Variants in SFXN5 observed in about 807,000 individuals in gnomAD.
SFXN5 encodes sideroflexin 5, also known as sideroflexin-5.
SFXN5 carries 43 observed loss-of-function variants against 50.2 expected under a neutral mutation model. The observed-to-expected ratio is 0.86, with a 90% confidence interval of 0.67 to 1.11. The LOEUF (loss-of-function observed/expected upper bound fraction) is 1.11. Ranked by LOEUF, SFXN5 falls within the 50% of genes least tolerant of loss-of-function variation. SFXN5 has a pLI of 0.00. For synonymous variants in SFXN5, 203 were observed against 185.8 expected (o/e 1.09, Z -0.75); for missense variants, 463 against 454.1 (o/e 1.02, Z -0.18).
intron 6 of SFXN5, among the ~76,000 whole-genome samples, chr2:73,012,092 A>G (rs1675572992): frequency 6.6e-6 from 1 of 152,234 alleles, no homozygotes; most frequent in African/African-American, 2.4e-5. Context: ...AACCATAGAT[A>G]AATAAGTATA....
At chr2:72,970,586 C>G (rs1052914444) in intron 11 of SFXN5, among the ~76,000 whole-genome samples, 1 of 152,016 alleles carries the variant, frequency 6.6e-6, no homozygotes, top group African/African-American at 2.4e-5. Flanking sequence ...TACCCCATGC[C>G]CAGCACAGAG....
At position 72,961,556 on chromosome 2, in the gene SFXN5, C is replaced by A. The variant is rs1673751092; in HGVS notation, c.828-308G>T. On this transcript the variant is annotated intron_variant, in intron 12 of 13. Transcript: ENST00000272433. The surrounding 1 kb of genome is among the most constrained non-coding windows in gnomAD (Gnocchi z 4.4). ...ACCCGCCACGCGTCCAGCCCCGTGC[C>A]AAGAAGGCCCTATGTGGGAGAGACA... is the stretch of plus-strand genomic sequence containing the variant. Among the ~76,000 whole-genome samples the A allele has an allele frequency of 1.3e-5, 2 of 152,234 alleles. No individual in the cohort carries two copies. The highest frequency in any genetic ancestry group is 4.1e-4 in the South Asian group (2 of 4,838).
intron 9 of SFXN5, chr2:72,998,427 T>G (rs149546151): frequency 2.4e-3 from 375 of 156,634 alleles, no homozygotes; most frequent in Non-Finnish European, 3.9e-3. Flanking sequence ...CAAAGTACTG[T>G]GGAGACTCAG....
chr2:73,047,122 G>T (rs1680436748), intron 2 of SFXN5, among the ~76,000 whole-genome samples: 1 of 146,896 alleles, frequency 6.8e-6, no homozygotes, highest in African/African-American at 2.5e-5. Flanking sequence ...CTACTCAGGA[G>T]GCTGAGGCAG....
At chr2:73,003,635 G>A (rs188716743) in intron 6 of SFXN5, among the ~76,000 whole-genome samples, 1 of 152,308 alleles carries the variant, frequency 6.6e-6, no homozygotes, top group African/African-American at 2.4e-5. Context: ...ACACTGCATG[G>A]ATTCTGTGCC....
At chr2:72,989,670 G>C (rs955372452) in intron 9 of SFXN5, among the ~76,000 whole-genome samples, 12 of 152,118 alleles carry the variant, frequency 7.9e-5, no homozygotes, top group Admixed American at 3.9e-4. Flanking sequence ...GCTGGGAGTG[G>C]GGCTTTGCGG....
At chr2:72,977,312 T>C (rs1670740550) in intron 10 of SFXN5, among the ~76,000 whole-genome samples, 1 of 152,196 alleles carries the variant, frequency 6.6e-6, no homozygotes, top group Non-Finnish European at 1.5e-5. Flanking sequence ...CAGTTTGTGT[T>C]GAGGGTTTCT....
At chr2:72,995,665 G>A (rs367773734) in intron 9 of SFXN5, among the ~76,000 whole-genome samples, 12 of 152,274 alleles carry the variant, frequency 7.9e-5, no homozygotes, top group African/African-American at 2.4e-4. Flanking sequence ...CACTGGGGCC[G>A]TGACACTTGT....
rs1380766878 is a variant in SFXN5, at chr2:72,961,096, T to C, written c.945+35A>G. 2.4e-6 allele frequency: 3 copies of C among 1,275,678 alleles called. No individual in the cohort carries two copies. Among genetic ancestry groups the C allele is most frequent in the Non-Finnish European group, 3.0e-6 (3 of 988,116 alleles). 79.0% of individuals were successfully genotyped at this position (1,275,678 alleles called of 1,614,324 possible). A position where few individuals can be genotyped will look rare whatever the true frequency, so the allele number is the denominator to read the frequency against. The stretch of plus-strand genomic sequence containing the variant: ...TCAGAAATCACCAAACAGCACCCCC[T>C]GCCCTGCCCTGCCCTTGAGCCCCTC... On this transcript the variant is annotated intron_variant, in intron 13 of 13. Coordinates refer to ENST00000272433, the MANE Select transcript of SFXN5 (RefSeq NM_144579.3). The surrounding 1 kb of genome is among the most constrained non-coding windows in gnomAD (Gnocchi z 4.4).
rs965601171 is a variant in SFXN5 at position 72,999,089 on chromosome 2, G to A, written c.469-75C>T. The stretch of plus-strand genomic sequence containing the variant: ...ATACTTCCCCTTGTAAGCTGTCCCA[G>A]CCAGCAAGAAGCATCCTGCCCACCA... On this transcript the variant is annotated intron_variant, in intron 8 of 13. Coordinates refer to ENST00000272433, the MANE Select transcript of SFXN5 (RefSeq NM_144579.3). 8.6e-6 allele frequency: 13 copies of A among 1,510,822 alleles called. No homozygotes were observed. The African/African-American group carries it at 1.6e-4, about 19-fold the overall frequency. 93.6% of individuals were successfully genotyped at this position (1,510,822 alleles called of 1,614,324 possible). A position where few individuals can be genotyped will look rare whatever the true frequency, so the allele number is the denominator to read the frequency against.
rs537662031 is a variant in SFXN5 at position 73,061,263 on chromosome 2, G to A, written c.103-2667C>T. Among the ~76,000 whole-genome samples, 16 of 149,492 alleles carry A rather than the reference G, an allele frequency of 1.1e-4. No homozygotes were observed. In the South Asian group the frequency reaches 2.1e-3, roughly 20 times the overall value. Reference sequence around the variant, plus strand: ...GTGGAGGTTGCAGCGAGCAGAGATCGCGCCACTGCACTGCAGCCTAGGCGA... The same window carrying A: ...GTGGAGGTTGCAGCGAGCAGAGATCACGCCACTGCACTGCAGCCTAGGCGA... On this transcript the variant is annotated intron_variant, in intron 1 of 13. Coordinates refer to ENST00000272433, the MANE Select transcript of SFXN5 (RefSeq NM_144579.3).
chr2:73,007,087 T>G (rs1425683565), intron 6 of SFXN5, among the ~76,000 whole-genome samples: 2 of 152,204 alleles, frequency 1.3e-5, no homozygotes, highest in Non-Finnish European at 2.9e-5. Context: ...TATCTCAGTC[T>G]GCTTGGCCAG....
intron 1 of SFXN5, among the ~76,000 whole-genome samples, chr2:73,063,566 T>C (rs1180297523): frequency 6.6e-6 from 1 of 152,186 alleles, no homozygotes; most frequent in Non-Finnish European, 1.5e-5. Flanking sequence ...AGAAACGTTG[T>C]GACCAGAAAC....
intron 2 of SFXN5, 38 bp downstream of exon 2, chr2:73,058,490 A>T: frequency 6.3e-7 from 1 of 1,591,070 alleles, no homozygotes; most frequent in Non-Finnish European, 8.6e-7. Context: ...ACAAGGTACA[A>T]AGGCCCAAGG....
chr2:73,059,461 G>C (rs1458738818), intron 1 of SFXN5: 3 of 985,358 alleles, frequency 3.0e-6, no homozygotes, highest in Non-Finnish European at 3.6e-6. Flanking sequence ...GGAGGAAACA[G>C]AAGCCTCCAC....
rs1295718699 is a variant in SFXN5 at position 72,943,795 on chromosome 2, A to T, written c.*1227T>A. On this transcript the variant is annotated 3_prime_UTR_variant, in exon 14 of 14. Transcript: ENST00000272433. Reference sequence around the variant, plus strand: ...CCAGTCCAGAGTCCACACTGGGGACATGCCCAGGATGACCAGCATCTGAGC... The same window carrying T: ...CCAGTCCAGAGTCCACACTGGGGACTTGCCCAGGATGACCAGCATCTGAGC... The T allele has an allele frequency of 6.6e-6, 1 of 152,642 alleles. No homozygotes were observed. Among genetic ancestry groups the T allele is most frequent in the Non-Finnish European group, 1.5e-5 (1 of 68,070 alleles). 9.5% of individuals were successfully genotyped at this position (152,642 alleles called of 1,614,324 possible). A position where few individuals can be genotyped will look rare whatever the true frequency, so the allele number is the denominator to read the frequency against.
intron 1 of SFXN5, among the ~76,000 whole-genome samples, chr2:73,060,412 C>T (rs929076167): frequency 1.3e-5 from 2 of 152,056 alleles, no homozygotes; most frequent in Non-Finnish European, 1.5e-5. Flanking sequence ...CCCACACTGA[C>T]AGACATTCCA....
chr2:72,951,474 G>A (rs1327236363), intron 13 of SFXN5, among the ~76,000 whole-genome samples: 2 of 152,166 alleles, frequency 1.3e-5, no homozygotes, highest in Non-Finnish European at 2.9e-5. Context: ...GTGGGTGGGG[G>A]GCTAGAGTCA....
In SFXN5 at chr2:72,944,848, A is replaced by G. The variant is rs1671753734; in HGVS notation, c.*174T>C. ...AAATGTGTTAGAACTCCTCTTGCCT[A>G]TGTTAAAATGTGAATGGGTCAGTCT... On this transcript the variant is annotated 3_prime_UTR_variant, in exon 14 of 14. Coordinates refer to ENST00000272433, the MANE Select transcript of SFXN5 (RefSeq NM_144579.3). The G allele has an allele frequency of 1.2e-5, 7 of 585,404 alleles. No homozygotes were observed. The South Asian group carries it at 1.3e-4, about 11-fold the overall frequency. The allele number at this position is 585,404 out of a possible 1,614,324, so 36.3% of individuals were successfully genotyped here.
Sources: allele counts gnomAD v4.1 joint callset (sites outside exome capture counted in the v4.1 genomes callset), GRCh38; gene constraint gnomAD v4.1.1; non-coding constraint Gnocchi (gnomAD v3.1); transcripts MANE v1.5; gene names NCBI Gene and HGNC (gene_info 2026-07-23, HGNC 2026-07-21).